Variants in SPRR2G observed in about 807,000 individuals in gnomAD.
The protein encoded by SPRR2G is small proline-rich protein 2G.
A neutral mutation model predicts 0.7 loss-of-function variants in SPRR2G; 1 was observed. The observed-to-expected ratio is 1.49, with a 90% CI of 0.53 to 7.06. The LOEUF (loss-of-function observed/expected upper bound fraction) is 7.06. Among genes scored for constraint, SPRR2G ranks in the 30% most tolerant of loss-of-function variants. The pLI, the probability that SPRR2G is intolerant of heterozygous loss-of-function variation, is 0.14. For synonymous variants in SPRR2G, 38 were observed against 33.9 expected, an observed-to-expected ratio of 1.12 and a Z score of -0.42; for missense variants, 96 against 88.5, an observed-to-expected ratio of 1.09 and a Z score of -0.34.
At position 153,150,065 on chromosome 1, in the gene SPRR2G, G is replaced by A. The variant is rs1249608752; in HGVS notation, c.46C>T (p.Pro16Ser). Residue 16 changes from proline to serine, a missense_variant, in exon 2 of 2, where the codon CCT (proline) becomes TCT (serine). Coordinates refer to ENST00000368748, the MANE Select transcript of SPRR2G (RefSeq NM_001014291.4). Reference protein sequence around the residue: ...QQCKQPCQPPPVCPTPKCPEP... With the variant: ...QQCKQPCQPPSVCPTPKCPEP... ...GGGCACTTTGGCGTGGGGCACACAG[G>A]AGGTGGCTGGCAGGGCTGCTTGCAC... 2 of 1,613,142 alleles carry A rather than the reference G, an allele frequency of 1.2e-6. No homozygotes were observed. The highest frequency in any genetic ancestry group is 4.5e-5 in the East Asian group (2 of 44,872).
the SPRR2G span, among the ~76,000 whole-genome samples, chr1:153,179,168 G>C: frequency 6.6e-6 from 1 of 152,150 alleles, no homozygotes; most frequent in African/African-American, 2.4e-5. Context: ...GGAAGATTTA[G>C]CTTGGCTTTT....
chr1:153,149,763 C>G lies in SPRR2G; in HGVS notation c.*126G>C. On this transcript the variant is annotated 3_prime_UTR_variant, in exon 2 of 2. Coordinates refer to ENST00000368748, the MANE Select transcript of SPRR2G (RefSeq NM_001014291.4). ...ACTAAGCCTTTTCTCTGTCAACGCT[C>G]AAGCCAGACAGAGGTTAGGGAAGAT... The G allele has an allele frequency of 8.0e-7, 1 of 1,250,014 alleles. No homozygotes were observed. The highest frequency in any genetic ancestry group is 2.4e-5 in the East Asian group (1 of 41,158). 77.4% of individuals were successfully genotyped at this position (1,250,014 alleles called of 1,614,324 possible). A position where few individuals can be genotyped will look rare whatever the true frequency, so the allele number is the denominator to read the frequency against.
the SPRR2G span, among the ~76,000 whole-genome samples, chr1:153,196,174 T>C: frequency 6.6e-6 from 1 of 152,238 alleles, no homozygotes; most frequent in Non-Finnish European, 1.5e-5. Flanking sequence ...CTAGAGCTTA[T>C]TCATCTTACT....
upstream of SPRR2G, among the ~76,000 whole-genome samples, chr1:153,155,627 A>C (rs1156745099): frequency 6.6e-6 from 1 of 152,134 alleles, no homozygotes; most frequent in Admixed American, 6.5e-5. Flanking sequence ...CATGCTTAAA[A>C]TACTTTAAGT....
At chr1:153,180,961 T>C in the SPRR2G span, among the ~76,000 whole-genome samples, 1 of 152,202 alleles carries the variant, frequency 6.6e-6, no homozygotes, top group East Asian at 1.9e-4. Context: ...TTCTATTTGC[T>C]CATTTCTTGT....
the SPRR2G span, among the ~76,000 whole-genome samples, chr1:153,192,648 G>C: frequency 2.0e-5 from 3 of 152,154 alleles, no homozygotes; most frequent in African/African-American, 4.8e-5. Context: ...ACAAAGAGTA[G>C]AGCTTCTGGT....
chr1:153,198,188 A>C, the SPRR2G span, among the ~76,000 whole-genome samples: 1 of 152,210 alleles, frequency 6.6e-6, no homozygotes, highest in Non-Finnish European at 1.5e-5. Flanking sequence ...GTTTAAAAAA[A>C]TAAAAAAAGT....
the SPRR2G span, among the ~76,000 whole-genome samples, chr1:153,194,343 C>A: frequency 6.6e-6 from 1 of 152,162 alleles, no homozygotes; most frequent in African/African-American, 2.4e-5. Flanking sequence ...TTTAGTCCTG[C>A]CTCCCATCAA....
the SPRR2G span, among the ~76,000 whole-genome samples, chr1:153,188,470 T>C: frequency 1.3e-5 from 2 of 152,068 alleles, no homozygotes; most frequent in African/African-American, 4.8e-5. Flanking sequence ...TGAGTTTGGC[T>C]TCCTTAACAC....
At chr1:153,150,517 A>G (rs1026885263) in intron 1 of SPRR2G, among the ~76,000 whole-genome samples, 1 of 152,148 alleles carries the variant, frequency 6.6e-6, no homozygotes, top group Non-Finnish European at 1.5e-5. Context: ...CTGAGCCATG[A>G]GTTTTTTAAG....
At chr1:153,178,405 A>G in the SPRR2G span, among the ~76,000 whole-genome samples, 2 of 152,150 alleles carry the variant, frequency 1.3e-5, no homozygotes, top group Non-Finnish European at 2.9e-5. Flanking sequence ...TGTTTCTGAT[A>G]TTAGGGGAAA....
chr1:153,186,533 C>T, the SPRR2G span, among the ~76,000 whole-genome samples: 1 of 152,116 alleles, frequency 6.6e-6, no homozygotes, highest in African/African-American at 2.4e-5. Context: ...ACTAGAATTG[C>T]AATCCCTGCT....
At chr1:153,189,216 T>G in the SPRR2G span, among the ~76,000 whole-genome samples, 2 of 152,206 alleles carry the variant, frequency 1.3e-5, no homozygotes, top group Non-Finnish European at 1.5e-5. Context: ...AACTTGAATT[T>G]CCATTTTACT....
chr1:153,176,460 C>G, the SPRR2G span: 1 of 152,226 alleles, frequency 6.6e-6, no homozygotes, highest in East Asian at 1.9e-4. Context: ...AACTTTTATC[C>G]TAGATAAAAC....
At chr1:153,199,822 T>A in the SPRR2G span, among the ~76,000 whole-genome samples, 1 of 152,160 alleles carries the variant, frequency 6.6e-6, no homozygotes, top group African/African-American at 2.4e-5. Context: ...AGAGATTTCA[T>A]TCCAAGAGAA....
chr1:153,159,314 C>T, the SPRR2G span, among the ~76,000 whole-genome samples: 9 of 152,322 alleles, frequency 5.9e-5, no homozygotes, highest in Admixed American at 2.0e-4. Flanking sequence ...TGTCACCAGT[C>T]TTTTTGCTAA....
At chr1:153,193,069 T>C in the SPRR2G span, among the ~76,000 whole-genome samples, 1 of 152,026 alleles carries the variant, frequency 6.6e-6, no homozygotes, top group African/African-American at 2.4e-5. Context: ...GCCCAGGAAG[T>C]CTTGGTGGTG....
At chr1:153,150,364 G>A (rs1463641455) in intron 1 of SPRR2G, among the ~76,000 whole-genome samples, 1 of 152,124 alleles carries the variant, frequency 6.6e-6, no homozygotes, top group Non-Finnish European at 1.5e-5. Context: ...TTGCCTATGA[G>A]ACAGCAACAA....
the SPRR2G span, among the ~76,000 whole-genome samples, chr1:153,175,038 T>C: frequency 6.6e-6 from 1 of 152,218 alleles, no homozygotes; most frequent in African/African-American, 2.4e-5. Flanking sequence ...GATGTTATCA[T>C]GGGTCCCAGA....
Sources: gnomAD v4.1 joint callset for allele counts (sites outside exome capture counted in the v4.1 genomes callset) on GRCh38, gnomAD v4.1.1 for gene constraint, MANE v1.5 for transcripts, NCBI Gene and HGNC (gene_info 2026-07-23, HGNC 2026-07-21) for gene names.